The following NCOA2 variants were observed in gnomAD, a reference collection of about 807,000 sequenced individuals.
NCOA2 encodes the protein class E basic helix-loop-helix protein 75.
In NCOA2, 21 loss-of-function variants were observed where a neutral mutation model predicts 145.1. The observed-to-expected ratio is 0.14, with a 90% CI of 0.10 to 0.21. NCOA2 has a LOEUF of 0.21. Ranked by LOEUF, NCOA2 falls within the 10% of genes least tolerant of loss-of-function variation. NCOA2 has a pLI of 1.00. For missense variants in NCOA2, 1,472 were observed against 1,837.6 expected (o/e 0.80, Z 3.64); for synonymous variants, 619 against 637.5 (o/e 0.97, Z 0.44).
At chr8:70,414,420 G>A in the NCOA2 span, among the ~76,000 whole-genome samples, 1 of 152,104 alleles carries the variant, frequency 6.6e-6, no homozygotes. Flanking sequence ...TCCCTCTGGA[G>A]ATGATTGTTT....
chr8:70,208,479 T>A (rs1818695759), intron 4 of NCOA2, among the ~76,000 whole-genome samples: 1 of 152,294 alleles, frequency 6.6e-6, no homozygotes, highest in African/African-American at 2.4e-5. Context: ...AGCAATAGAT[T>A]TTCAATGTAG....
chr8:70,194,621 G>T (rs1040926519), intron 4 of NCOA2, among the ~76,000 whole-genome samples: 6 of 150,396 alleles, frequency 4.0e-5, no homozygotes, highest in African/African-American at 1.5e-4. Flanking sequence ...TAAATACCAA[G>T]AAGTCTTTTT....
chr8:70,450,970 A>G, the NCOA2 span, among the ~76,000 whole-genome samples: 1 of 150,836 alleles, frequency 6.6e-6, no homozygotes, highest in Non-Finnish European at 1.5e-5. Context: ...TAATTCCAGC[A>G]CTTTGGGAGC....
rs540843014 is a variant in NCOA2 at position 70,177,900 on chromosome 8, A to G, written c.260-3041T>C. Among the ~76,000 whole-genome samples, 8 of 152,330 alleles carry G rather than the reference A, an allele frequency of 5.3e-5. No homozygotes were observed. In the South Asian group the frequency reaches 1.7e-3, roughly 32 times the overall value. On this transcript the variant is annotated intron_variant, in intron 4 of 22. Coordinates refer to ENST00000452400, the MANE Select transcript of NCOA2 (RefSeq NM_006540.4). ...CAATAGTAATGAATTATTGTTTCCT[A>G]TGGTATCTATACTAATGTTGCATTT...
chr8:70,277,507 A>C (rs1197982592), intron 2 of NCOA2, among the ~76,000 whole-genome samples: 1 of 152,190 alleles, frequency 6.6e-6, no homozygotes, highest in African/African-American at 2.4e-5. Context: ...AAATCCCTAC[A>C]TTTTAAAATA....
At chr8:70,405,437 G>GTTTTTTTTTTTTTTT (rs34814735), upstream of NCOA2, among the ~76,000 whole-genome samples, 17 of 59,386 alleles carry the variant, frequency 2.9e-4, 1 homozygote, top group African/African-American at 8.9e-4. Flanking sequence ...ATTTTTAAAG[G>GTTTTTTTTTTTTTTT]TTTTTTTTTT....
chr8:70,448,600 A>G, the NCOA2 span, among the ~76,000 whole-genome samples: 2 of 152,212 alleles, frequency 1.3e-5, no homozygotes, highest in Admixed American at 6.5e-5. Flanking sequence ...TTTTTGAAAT[A>G]AGGAAAAAAA....
At chr8:70,218,109 ACTT>A (rs992731411) in intron 2 of NCOA2, among the ~76,000 whole-genome samples, 7 of 151,624 alleles carry the variant, frequency 4.6e-5, no homozygotes, top group Non-Finnish European at 1.0e-4. Flanking sequence ...CCGCCAGGCC[ACTT>A]CTTCCCTGTA....
At chr8:70,319,022 C>G (rs1233928112) in intron 1 of NCOA2, among the ~76,000 whole-genome samples, 1 of 152,180 alleles carries the variant, frequency 6.6e-6, no homozygotes, top group Non-Finnish European at 1.5e-5. Flanking sequence ...AAAAAACTTC[C>G]ATTTTTTCCC....
rs541498533 is a variant in NCOA2, at chr8:70,120,733, CAAAACAAAACAAA to C, written c.4383+556_4383+568del. ...AAGACACTGTCTCAAAAAAACAAAA[CAAAACAAAACAAA>C]AAAACAAAACAAAAAGAGAAGTGTT... On this transcript the variant is annotated intron_variant, in intron 22 of 22. Transcript: ENST00000452400. Among the ~76,000 whole-genome samples, 71 of 151,832 alleles carry C rather than the reference CAAAACAAAACAAA, an allele frequency of 4.7e-4. 1 individual carries two copies. In the South Asian group the frequency reaches 0.012, roughly 27 times the overall value.
At chr8:70,416,995 G>A in the NCOA2 span, among the ~76,000 whole-genome samples, 1 of 152,184 alleles carries the variant, frequency 6.6e-6, no homozygotes, top group East Asian at 1.9e-4. Flanking sequence ...GATATGGGAG[G>A]AAAGGAAAGA....
the NCOA2 span, among the ~76,000 whole-genome samples, chr8:70,431,864 AT>A: frequency 6.6e-6 from 1 of 152,224 alleles, no homozygotes; most frequent in Admixed American, 6.5e-5. Flanking sequence ...TTACTAAAAT[AT>A]TTTTTATTCA....
At chr8:70,219,503 C>T (rs533074413) in intron 2 of NCOA2, among the ~76,000 whole-genome samples, 3 of 152,234 alleles carry the variant, frequency 2.0e-5, no homozygotes, top group African/African-American at 7.2e-5. Context: ...GGGGTGGAGT[C>T]GGGGATGCCT....
At chr8:70,190,353 C>A (rs1448579837) in intron 4 of NCOA2, among the ~76,000 whole-genome samples, 1 of 152,150 alleles carries the variant, frequency 6.6e-6, no homozygotes, top group East Asian at 1.9e-4. Context: ...TACTATCTGT[C>A]CTTTCTAAAG....
chr8:70,315,595 TCTTG>T (rs1188461944), intron 1 of NCOA2, among the ~76,000 whole-genome samples: 6 of 152,278 alleles, frequency 3.9e-5, no homozygotes, highest in African/African-American at 1.2e-4. Flanking sequence ...CAGAAGTATC[TCTTG>T]CTTATTCTTT....
At chr8:70,416,916 C>A in the NCOA2 span, among the ~76,000 whole-genome samples, 2 of 152,108 alleles carry the variant, frequency 1.3e-5, no homozygotes, top group African/African-American at 4.8e-5. Context: ...TAAACCACAG[C>A]AGATGTTAAG....
intron 15 of NCOA2, among the ~76,000 whole-genome samples, chr8:70,136,358 T>C (rs184647357): frequency 1.3e-5 from 2 of 152,144 alleles, no homozygotes; most frequent in African/African-American, 4.8e-5. Context: ...TGAGACTCTG[T>C]CTCAAAACAA....
intron 2 of NCOA2, chr8:70,273,350 C>A (rs1284136592): frequency 6.4e-5 from 30 of 469,302 alleles, no homozygotes; most frequent in Non-Finnish European, 1.1e-4. Context: ...GTCCCCCGCG[C>A]AGCCCCTTAT....
chr8:70,309,261 C>T (rs1435153568), intron 1 of NCOA2, among the ~76,000 whole-genome samples: 1 of 151,956 alleles, frequency 6.6e-6, no homozygotes, highest in East Asian at 1.9e-4. Flanking sequence ...GTCCAAATTC[C>T]TAACCCACAG....
Sources: allele counts gnomAD v4.1 joint callset (sites outside exome capture counted in the v4.1 genomes callset), GRCh38; gene constraint gnomAD v4.1.1; transcripts MANE v1.5; gene names NCBI Gene and HGNC (gene_info 2026-07-23, HGNC 2026-07-21).